The following BCAS3 variants were observed in gnomAD, a reference collection of about 807,000 sequenced individuals.
BCAS3 encodes BCAS4/BCAS3 fusion.
BCAS3 carries 53 observed loss-of-function variants against 116.1 expected under a neutral mutation model. That is an observed-to-expected ratio of 0.46 (90% confidence interval 0.37 to 0.57). The LOEUF (loss-of-function observed/expected upper bound fraction) is 0.57, where lower values mean the gene tolerates loss of function less well. BCAS3 is among the 20% of genes least tolerant of loss of function. The pLI, the probability that BCAS3 is intolerant of heterozygous loss-of-function variation, is 0.00. For missense variants in BCAS3, 917 were observed against 1,165.4 expected, an observed-to-expected ratio of 0.79 and a Z score of 3.10; for synonymous variants, 391 against 408.2, an observed-to-expected ratio of 0.96 and a Z score of 0.51.
intron 9 of BCAS3, among the ~76,000 whole-genome samples, chr17:60,879,460 G>A (rs950202445): frequency 5.3e-5 from 8 of 152,136 alleles, no homozygotes; most frequent in Admixed American, 2.6e-4. Context: ...TTAATGGAAC[G>A]CATCCAATAT....
chr17:60,682,171 G>T (rs2033259689), intron 2 of BCAS3, among the ~76,000 whole-genome samples: 1 of 152,164 alleles, frequency 6.6e-6, no homozygotes, highest in South Asian at 2.1e-4. Context: ...TACATATAAG[G>T]CTGTCCCGGA....
intron 22 of BCAS3, among the ~76,000 whole-genome samples, chr17:61,146,162 A>G (rs961654905): frequency 4.1e-5 from 6 of 146,886 alleles, no homozygotes; most frequent in African/African-American, 1.3e-4. Flanking sequence ...GCTGGAATGT[A>G]GGGATGTGAT....
rs1296900560 is a variant in BCAS3 at position 61,083,659 on chromosome 17, G to A, written c.2328-808G>A. ...CACCCAGGCTGGAGTGCAGTGGCACGATCTTGGCTCATTGCAACCTCTGGT... is the reference window on the plus strand; with the variant it reads ...CACCCAGGCTGGAGTGCAGTGGCACAATCTTGGCTCATTGCAACCTCTGGT... On this transcript the variant is annotated intron_variant, in intron 21 of 23. Transcript: ENST00000407086. This position sits in a 1 kb window ranked among gnomAD's most constrained non-coding sequence, Gnocchi z 4.9. Among the ~76,000 whole-genome samples, 4 of 149,436 alleles carry A rather than the reference G, an allele frequency of 2.7e-5. No individual in the cohort carries two copies. Among genetic ancestry groups the A allele is most frequent in the Non-Finnish European group, 4.4e-5 (3 of 67,684 alleles).
intron 5 of BCAS3, among the ~76,000 whole-genome samples, chr17:60,720,966 G>C (rs1157175068): frequency 1.3e-5 from 2 of 152,140 alleles, no homozygotes; most frequent in Admixed American, 6.6e-5. Flanking sequence ...ATTGAGCTAA[G>C]AAAAGTGCGG....
At chr17:61,053,743 T>G (rs144070896) in intron 19 of BCAS3, among the ~76,000 whole-genome samples, 3 of 152,296 alleles carry the variant, frequency 2.0e-5, no homozygotes, top group Non-Finnish European at 2.9e-5. Flanking sequence ...AGAGGAAACT[T>G]GTAATGTAGG....
chr17:60,946,870 A>T (rs964172256), intron 13 of BCAS3, among the ~76,000 whole-genome samples: 2 of 152,134 alleles, frequency 1.3e-5, no homozygotes, highest in Admixed American at 6.6e-5. Context: ...GTGATCAGGC[A>T]CCTGCACCCC....
chr17:60,838,591 A>G (rs543679311), intron 7 of BCAS3, among the ~76,000 whole-genome samples: 10 of 152,134 alleles, frequency 6.6e-5, no homozygotes, highest in Non-Finnish European at 1.5e-4. Flanking sequence ...GAAATATTTT[A>G]GGTTCATTGG....
chr17:60,697,240 A>C lies in BCAS3; in HGVS notation c.214+7479A>C, dbSNP rs145714567. Among the ~76,000 whole-genome samples, 204 of 149,866 alleles carry C rather than the reference A, an allele frequency of 1.4e-3. 1 individual carries two copies. Among genetic ancestry groups the C allele is most frequent in the African/African-American group, 4.7e-3 (192 of 40,734 alleles). ...GAGGGAAGGAGGGAAGGGAGGAAGG[A>C]AAAGAAAGAAGCAGGTTTGGGAAGA... On this transcript the variant is annotated intron_variant, in intron 4 of 23. Transcript: ENST00000407086.
rs2077154891 is a variant in BCAS3, at chr17:61,145,557, C to T, written c.2425+60993C>T. Among the ~76,000 whole-genome samples, 2 of 152,140 alleles carry T rather than the reference C, an allele frequency of 1.3e-5. No homozygotes were observed. Among genetic ancestry groups the T allele is most frequent in the Admixed American group, 6.5e-5 (1 of 15,280 alleles). ...ACAGACGGAGAGAGGCATTTCCAAC[C>T]ATCTTGCTGATCTGTGCAGGAGTTC... On this transcript the variant is annotated intron_variant, in intron 22 of 23. Coordinates refer to ENST00000407086, the MANE Select transcript of BCAS3 (RefSeq NM_017679.5). This position sits in a 1 kb window ranked among gnomAD's most constrained non-coding sequence, Gnocchi z 5.0.
chr17:61,110,661 G>T (rs1342539082), intron 22 of BCAS3, among the ~76,000 whole-genome samples: 7 of 152,152 alleles, frequency 4.6e-5, no homozygotes, highest in Admixed American at 1.3e-4. Context: ...CAGCGAGGCT[G>T]GGGGAGGGGC....
chr17:60,820,156 T>TGCCTCCCGGGTTCATGCCATTCTGCCTCA (rs2049813306), intron 7 of BCAS3, among the ~76,000 whole-genome samples: 6 of 151,878 alleles, frequency 4.0e-5, no homozygotes, highest in Admixed American at 3.9e-4. Context: ...CTGCAAGCTC[T>TGCCTCCCGGGTTCATGCCATTCTGCCTCA]GCCTCCCGGG....
rs1047763777 is a variant in BCAS3 at position 61,233,618 on chromosome 17, G to A, written c.2426-134709G>A. Among the ~76,000 whole-genome samples the A allele has an allele frequency of 6.6e-6, 1 of 152,162 alleles. No homozygotes were observed. Among genetic ancestry groups the A allele is most frequent in the African/African-American group, 2.4e-5 (1 of 41,442 alleles). Reference sequence around the variant, plus strand: ...GGAGAGGTATTTTTGCCTTAACCCTGTCTCTGATTCACTGAGGGACCTTGG... The same window carrying A: ...GGAGAGGTATTTTTGCCTTAACCCTATCTCTGATTCACTGAGGGACCTTGG... On this transcript the variant is annotated intron_variant, in intron 22 of 23. Transcript: ENST00000407086. The surrounding 1 kb of genome is among the most constrained non-coding windows in gnomAD (Gnocchi z 4.3).
chr17:61,309,725 G>A lies in BCAS3; in HGVS notation c.2426-58602G>A, dbSNP rs973627683. On this transcript the variant is annotated intron_variant, in intron 22 of 23. Coordinates refer to ENST00000407086, the MANE Select transcript of BCAS3 (RefSeq NM_017679.5). This position sits in a 1 kb window ranked among gnomAD's most constrained non-coding sequence, Gnocchi z 4.6. ...GATGACCCAGGGTCTTTGGGATTGC[G>A]GAACAGCTGCTGTGGAAAAGTAGTG... is the stretch of plus-strand genomic sequence containing the variant. 2.7e-4 allele frequency among the ~76,000 whole-genome samples: 41 copies of A among 152,260 alleles called. No individual in the cohort carries two copies. The highest frequency in any genetic ancestry group is 7.7e-4 in the East Asian group (4 of 5,174).
At chr17:60,827,297 A>C (rs1346931319) in intron 7 of BCAS3, among the ~76,000 whole-genome samples, 2 of 152,190 alleles carry the variant, frequency 1.3e-5, no homozygotes, top group Non-Finnish European at 2.9e-5. Flanking sequence ...GGAAGGTATT[A>C]AGGATAGTTA....
intron 22 of BCAS3, among the ~76,000 whole-genome samples, chr17:61,089,507 C>CTTTTTTTT: frequency 2.2e-5 from 1 of 44,668 alleles, no homozygotes; most frequent in Non-Finnish European, 4.4e-5. Context: ...CGGAGTTTCA[C>CTTTTTTTT]TCTTTTTTTT....
intron 11 of BCAS3, among the ~76,000 whole-genome samples, chr17:60,907,607 T>C (rs1039700271): frequency 3.3e-5 from 5 of 152,218 alleles, no homozygotes; most frequent in East Asian, 3.8e-4. Flanking sequence ...TAGTCTGTCA[T>C]GTTCAGCTGT....
chr17:60,859,002 T>G (rs1337854773), intron 7 of BCAS3, among the ~76,000 whole-genome samples: 2 of 152,158 alleles, frequency 1.3e-5, no homozygotes, highest in African/African-American at 2.4e-5. Context: ...AACACCTTTA[T>G]TTTTTATTTT....
At chr17:60,836,973 C>T (rs1821604985) in intron 7 of BCAS3, among the ~76,000 whole-genome samples, 1 of 152,144 alleles carries the variant, frequency 6.6e-6, no homozygotes, top group South Asian at 2.1e-4. Context: ...TTGGTGAAGG[C>T]AGATCCTGGA....
rs1407422604 is a variant in BCAS3 at position 61,244,967 on chromosome 17, A to C, written c.2426-123360A>C. 6.6e-6 allele frequency among the ~76,000 whole-genome samples: 1 copy of C among 152,188 alleles called. No individual in the cohort carries two copies. Among genetic ancestry groups the C allele is most frequent in the Non-Finnish European group, 1.5e-5 (1 of 68,038 alleles). ...TGTGATTTCATTATTCATCTTTCTA[A>C]ATGTGGTGTAATAGACTATAATTTT... is the stretch of plus-strand genomic sequence containing the variant. On this transcript the variant is annotated intron_variant, in intron 22 of 23. Transcript: ENST00000407086. The surrounding 1 kb of genome is among the most constrained non-coding windows in gnomAD (Gnocchi z 4.9).
Sources: allele counts gnomAD v4.1 joint callset (sites outside exome capture counted in the v4.1 genomes callset), GRCh38; gene constraint gnomAD v4.1.1; non-coding constraint Gnocchi (gnomAD v3.1); transcripts MANE v1.5; gene names NCBI Gene and HGNC (gene_info 2026-07-23, HGNC 2026-07-21).